SORD: variants seen among roughly 807,000 people sequenced by gnomAD.
SORD encodes the protein sorbitol dehydrogenase.
Under a neutral mutation model 35.6 loss-of-function variants are expected in SORD, and 18 were observed. The observed-to-expected ratio is 0.51, with a 90% CI of 0.35 to 0.75. The LOEUF is 0.75. SORD is among the 30% of genes least tolerant of loss of function. SORD has a pLI of 0.01. For synonymous variants in SORD, 106 were observed against 152.9 expected, an observed-to-expected ratio of 0.69 and a Z score of 2.26; for missense variants, 250 against 390.2, an observed-to-expected ratio of 0.64 and a Z score of 3.03.
chr15:45,039,517 G>C (rs1360909865), intron 1 of SORD, among the ~76,000 whole-genome samples: 3 of 152,170 alleles, frequency 2.0e-5, no homozygotes, highest in Non-Finnish European at 4.4e-5. Flanking sequence ...GACTTTCCTA[G>C]CCCGTTGACA....
chr15:45,053,801 C>G (rs1893167832), intron 3 of SORD, among the ~76,000 whole-genome samples: 1 of 142,500 alleles, frequency 7.0e-6, no homozygotes, highest in South Asian at 2.3e-4. Context: ...CCCATCCCCC[C>G]ACCCCACCAC....
intron 1 of SORD, among the ~76,000 whole-genome samples, chr15:45,023,582 G>C (rs1319279790): frequency 6.6e-6 from 1 of 152,260 alleles, no homozygotes; most frequent in Non-Finnish European, 1.5e-5. Flanking sequence ...TGGCTGGCAC[G>C]TGGCCGGTGC....
At chr15:45,060,563 G>C (rs552421905) in intron 3 of SORD, among the ~76,000 whole-genome samples, 1 of 152,188 alleles carries the variant, frequency 6.6e-6, no homozygotes, top group Non-Finnish European at 1.5e-5. Flanking sequence ...AAAATGACCA[G>C]ACTGGACATA....
chr15:45,042,648 A>G (rs1892986686), intron 2 of SORD, among the ~76,000 whole-genome samples: 1 of 152,198 alleles, frequency 6.6e-6, no homozygotes, highest in Non-Finnish European at 1.5e-5. Context: ...CACGCGTAGC[A>G]TATTAATTGT....
intron 1 of SORD, among the ~76,000 whole-genome samples, chr15:45,034,487 G>C (rs894563423): frequency 2.6e-5 from 4 of 152,214 alleles, no homozygotes; most frequent in Non-Finnish European, 5.9e-5. Flanking sequence ...ATATATTTAG[G>C]CTAATGTAAA....
At chr15:45,032,220 A>G (rs1224433317) in intron 1 of SORD, among the ~76,000 whole-genome samples, 2 of 149,878 alleles carry the variant, frequency 1.3e-5, no homozygotes. Context: ...AATTCTAGAG[A>G]TCTGTTGTAT....
intron 1 of SORD, 82 bp downstream of exon 1, chr15:45,023,431 T>G: frequency 8.1e-7 from 1 of 1,227,936 alleles, no homozygotes; most frequent in Non-Finnish European, 1.1e-6. Flanking sequence ...GCTTCCCACT[T>G]CCAGCCTGGC....
At chr15:45,024,255 T>C (rs1026131624) in intron 1 of SORD, among the ~76,000 whole-genome samples, 27 of 152,270 alleles carry the variant, frequency 1.8e-4, no homozygotes, top group Non-Finnish European at 3.4e-4. Context: ...TGTACCTCTT[T>C]TCCCTCAAAG....
intron 3 of SORD, among the ~76,000 whole-genome samples, chr15:45,048,611 G>C (rs1446381663): frequency 1.3e-5 from 2 of 152,166 alleles, no homozygotes; most frequent in African/African-American, 2.4e-5. Flanking sequence ...TGCACCTATA[G>C]TCCCAGCGAC....
rs1566958494 is a variant in SORD, at chr15:45,038,141, TTCC to T, written c.67-2265_67-2263del. ...CTCGCATCCTCCCTTCCTTCCTTCCTTCCTTCCTTCCTTCCTTCCTTCCTTCCT... is the reference window on the plus strand; with the variant it reads ...CTCGCATCCTCCCTTCCTTCCTTCCTTTCCTTCCTTCCTTCCTTCCTTCCT... On this transcript the variant is annotated intron_variant, in intron 1 of 8. Coordinates refer to ENST00000267814, the MANE Select transcript of SORD (RefSeq NM_003104.6). 4.5e-3 allele frequency among the ~76,000 whole-genome samples: 483 copies of T among 106,282 alleles called. 9 individuals carry two copies. Among genetic ancestry groups the T allele is most frequent in the South Asian group, 0.039 (141 of 3,586 alleles). 69.7% of individuals were successfully genotyped at this position (106,282 alleles called of 152,430 possible).
chr15:45,059,303 C>G (rs973340441), intron 3 of SORD, among the ~76,000 whole-genome samples: 24 of 151,874 alleles, frequency 1.6e-4, no homozygotes, highest in Non-Finnish European at 2.9e-5. Context: ...TGTACTCCAG[C>G]CTGGGTGACA....
At chr15:45,045,135 TG>T (rs945035777) in intron 3 of SORD, among the ~76,000 whole-genome samples, 6 of 152,208 alleles carry the variant, frequency 3.9e-5, no homozygotes, top group Non-Finnish European at 7.4e-5. Context: ...CCTGGTCTTT[TG>T]GACTCTAGAG....
At chr15:45,072,584 G>T (rs1388982696) in intron 8 of SORD, 146 bp downstream of exon 8, 19 of 560,288 alleles carry the variant, frequency 3.4e-5, no homozygotes, top group Non-Finnish European at 5.7e-5. Context: ...ATATAACAGG[G>T]ATCCAAAGAG....
intron 4 of SORD, among the ~76,000 whole-genome samples, chr15:45,063,056 G>C (rs1219511870): frequency 1.4e-5 from 2 of 146,820 alleles, no homozygotes; most frequent in Non-Finnish European, 3.0e-5. Context: ...GTGGTTTATA[G>C]GGAATGATGG....
At chr15:45,039,354 C>T (rs1364455599) in intron 1 of SORD, among the ~76,000 whole-genome samples, 1 of 152,200 alleles carries the variant, frequency 6.6e-6, no homozygotes, top group African/African-American at 2.4e-5. Flanking sequence ...TCTCAAACTC[C>T]TGACCTCAAG....
intron 3 of SORD, among the ~76,000 whole-genome samples, chr15:45,048,369 A>G (rs1893076664): frequency 6.6e-6 from 1 of 152,206 alleles, no homozygotes; most frequent in Admixed American, 6.5e-5. Context: ...AAGACTGACT[A>G]ATCCTGAGGC....
intron 5 of SORD, among the ~76,000 whole-genome samples, chr15:45,065,758 A>G (rs2141124593): frequency 6.6e-6 from 1 of 152,166 alleles, no homozygotes; most frequent in South Asian, 2.1e-4. Context: ...CGTCTCTACA[A>G]AAAAATACAA....
At chr15:45,032,401 T>C (rs1260570864) in intron 1 of SORD, among the ~76,000 whole-genome samples, 2 of 152,098 alleles carry the variant, frequency 1.3e-5, no homozygotes, top group Non-Finnish European at 2.9e-5. Flanking sequence ...TATATATCAA[T>C]AGCCCTACCT....
intron 1 of SORD, among the ~76,000 whole-genome samples, chr15:45,026,614 G>A (rs1352680042): frequency 1.8e-5 from 2 of 114,068 alleles, no homozygotes; most frequent in African/African-American, 1.2e-4. Context: ...CCTATGAAGG[G>A]AGTTGTTTGG....
Sources: gnomAD v4.1 joint callset for allele counts (sites outside exome capture counted in the v4.1 genomes callset) on GRCh38, gnomAD v4.1.1 for gene constraint, MANE v1.5 for transcripts, NCBI Gene and HGNC (gene_info 2026-07-23, HGNC 2026-07-21) for gene names.